FAM185A: variants seen among roughly 807,000 people sequenced by gnomAD.
FAM185A encodes the protein family with sequence similarity 185 member A.
Under a neutral mutation model 45.7 loss-of-function variants are expected in FAM185A, and 21 were observed. The ratio of observed to expected loss-of-function variants is 0.46; its 90% confidence interval spans 0.33 to 0.66. The LOEUF (loss-of-function observed/expected upper bound fraction) is 0.66, where lower values mean the gene tolerates loss of function less well. Ranked by LOEUF, FAM185A falls within the 30% of genes least tolerant of loss-of-function variation. The probability of loss-of-function intolerance (pLI) is 0.03; values close to 1 mark genes in which losing one functional copy is unlikely to be tolerated. For synonymous variants in FAM185A, 117 were observed against 194.0 expected (o/e 0.60, Z 3.30); for missense variants, 305 against 485.4 (o/e 0.63, Z 3.49).
intron 6 of FAM185A, among the ~76,000 whole-genome samples, chr7:102,779,550 A>G (rs1795277219): frequency 1.3e-5 from 2 of 152,314 alleles, no homozygotes; most frequent in East Asian, 3.9e-4. Flanking sequence ...TTTTGAAAGT[A>G]TGTTTGGTAG....
intron 7 of FAM185A, among the ~76,000 whole-genome samples, chr7:102,802,585 C>T (rs962842661): frequency 6.6e-6 from 1 of 152,100 alleles, no homozygotes; most frequent in Non-Finnish European, 1.5e-5. Flanking sequence ...TAAATGCGTA[C>T]ATCAAAAAGA....
chr7:102,805,670 T>A (rs994125572), intron 7 of FAM185A, among the ~76,000 whole-genome samples: 1 of 151,758 alleles, frequency 6.6e-6, no homozygotes, highest in Non-Finnish European at 1.5e-5. Context: ...TTTACCTCCA[T>A]AAACTATGGA....
chr7:102,762,433 T>A (rs902329761), intron 4 of FAM185A, among the ~76,000 whole-genome samples: 38 of 152,306 alleles, frequency 2.5e-4, no homozygotes, highest in Non-Finnish European at 4.4e-4. Context: ...GAATTAATAA[T>A]CACTAATCCA....
intron 2 of FAM185A, chr7:102,755,524 C>T (rs977597479): frequency 3.2e-6 from 2 of 626,128 alleles, no homozygotes; most frequent in African/African-American, 1.8e-5. Context: ...GGGGACCTCC[C>T]CATTAAGAGA....
chr7:102,756,320 A>G (rs1793731049), intron 2 of FAM185A, among the ~76,000 whole-genome samples: 1 of 152,174 alleles, frequency 6.6e-6, no homozygotes, highest in South Asian at 2.1e-4. Context: ...TAATAAAACT[A>G]AAGACATATA....
At chr7:102,786,916 C>G (rs1210641581) in intron 6 of FAM185A, among the ~76,000 whole-genome samples, 4 of 151,468 alleles carry the variant, frequency 2.6e-5, no homozygotes, top group South Asian at 4.2e-4. Flanking sequence ...AAGTTCTTAT[C>G]TATAAAATCA....
At chr7:102,840,261 A>G in the FAM185A span, among the ~76,000 whole-genome samples, 170 of 152,358 alleles carry the variant, frequency 1.1e-3, no homozygotes, top group Middle Eastern at 0.01. Context: ...GAACAGCTTC[A>G]GGTTTTAGAT....
chr7:102,826,212 C>A, the FAM185A span, among the ~76,000 whole-genome samples: 21 of 151,998 alleles, frequency 1.4e-4, no homozygotes, highest in Admixed American at 1.4e-3. Flanking sequence ...TGGTGACGAT[C>A]CCAAGAAAAA....
At chr7:102,777,227 T>C in intron 5 of FAM185A, 26 bp from the exon 6 acceptor site, 2 of 1,549,348 alleles carry the variant, frequency 1.3e-6, no homozygotes, top group Non-Finnish European at 1.7e-6. Flanking sequence ...AGAATTATTT[T>C]ACTTATGGTT....
At chr7:102,760,378 G>A (rs1235953081) in intron 3 of FAM185A, among the ~76,000 whole-genome samples, 2 of 151,950 alleles carry the variant, frequency 1.3e-5, no homozygotes, top group Non-Finnish European at 2.9e-5. Flanking sequence ...TAGTTTGGTG[G>A]AAAGCTACTG....
intron 7 of FAM185A, among the ~76,000 whole-genome samples, chr7:102,798,906 C>T (rs1315652491): frequency 6.6e-6 from 1 of 152,036 alleles, no homozygotes; most frequent in Non-Finnish European, 1.5e-5. Flanking sequence ...TGCCACCACG[C>T]CCAGCTAATT....
At chr7:102,816,553 GA>G in the FAM185A span, among the ~76,000 whole-genome samples, 1 of 152,298 alleles carries the variant, frequency 6.6e-6, no homozygotes, top group African/African-American at 2.4e-5. Context: ...GTGGCTGCCA[GA>G]AGGTTTTTCT....
the FAM185A span, among the ~76,000 whole-genome samples, chr7:102,824,645 C>A: frequency 6.6e-6 from 1 of 152,118 alleles, no homozygotes; most frequent in Non-Finnish European, 1.5e-5. Flanking sequence ...GCCACCACGC[C>A]CAACTAATTT....
Position 102,755,561 on chromosome 7 carries a change from C to G in FAM185A, c.562-2293C>G, listed in dbSNP as rs1793659459. The G allele has an allele frequency of 6.4e-6, 4 of 626,772 alleles. No homozygotes were observed. The Admixed American group carries it at 9.4e-5, about 15-fold the overall frequency. 38.8% of individuals were successfully genotyped at this position (626,772 alleles called of 1,614,324 possible). On this transcript the variant is annotated intron_variant, in intron 2 of 7. Transcript: ENST00000413034. Reference sequence around the variant, plus strand: ...CACCTGTCTTTCGAGCAGGAGTTAACACCATCACCACCTTTGTGGATAACA... The same window carrying G: ...CACCTGTCTTTCGAGCAGGAGTTAAGACCATCACCACCTTTGTGGATAACA...
intron 7 of FAM185A, among the ~76,000 whole-genome samples, chr7:102,799,496 G>A (rs1446260013): frequency 6.6e-6 from 1 of 152,258 alleles, no homozygotes; most frequent in Admixed American, 6.5e-5. Flanking sequence ...TTCTTCAGCT[G>A]AGGATATCAT....
intron 5 of FAM185A, among the ~76,000 whole-genome samples, chr7:102,775,789 T>C (rs1333409921): frequency 1.3e-5 from 2 of 152,154 alleles, no homozygotes; most frequent in African/African-American, 2.4e-5. Flanking sequence ...TAATTTTTAC[T>C]TGGCTTCTTT....
rs540876668 is a variant in FAM185A at position 102,791,142 on chromosome 7, T to A, written c.1066+3673T>A. ...GGAGAGTTTGGGAGAGGTCAGATCA[T>A]ATGGGACAGTTTGGATTTTATATTA... On this transcript the variant is annotated intron_variant, in intron 7 of 7. Transcript: ENST00000413034. Among the ~76,000 whole-genome samples, 252 of 152,120 alleles carry A rather than the reference T, an allele frequency of 1.7e-3. 1 individual carries two copies. The highest frequency in any genetic ancestry group is 5.6e-3 in the African/African-American group (232 of 41,476).
At chr7:102,799,731 G>A (rs900267055) in intron 7 of FAM185A, among the ~76,000 whole-genome samples, 5 of 152,160 alleles carry the variant, frequency 3.3e-5, no homozygotes, top group African/African-American at 1.2e-4. Flanking sequence ...GCAAGAGAAG[G>A]GAAAGTGTTT....
At chr7:102,773,661 ACT>A (rs1487620515) in intron 5 of FAM185A, among the ~76,000 whole-genome samples, 1 of 152,120 alleles carries the variant, frequency 6.6e-6, no homozygotes, top group Non-Finnish European at 1.5e-5. Flanking sequence ...TCCACTTTAT[ACT>A]CTCATCAACA....
Sources: gnomAD v4.1 joint callset for allele counts (sites outside exome capture counted in the v4.1 genomes callset) on GRCh38, gnomAD v4.1.1 for gene constraint, MANE v1.5 for transcripts, NCBI Gene and HGNC (gene_info 2026-07-23, HGNC 2026-07-21) for gene names.